DACH1: variants seen among roughly 807,000 people sequenced by gnomAD.
DACH1 encodes dachshund homolog 1.
In DACH1, 12 loss-of-function variants were observed where a neutral mutation model predicts 54.2. The observed-to-expected ratio is 0.22, with a 90% CI of 0.14 to 0.36. The LOEUF is 0.36. Among genes scored for constraint, DACH1 ranks in the 10% least tolerant of loss-of-function variants. The pLI is 1.00. For missense variants in DACH1, 805 were observed against 929.8 expected, an observed-to-expected ratio of 0.87 and a Z score of 1.75; for synonymous variants, 386 against 366.2, an observed-to-expected ratio of 1.05 and a Z score of -0.62.
intron 3 of DACH1, among the ~76,000 whole-genome samples, chr13:71,627,064 C>G (rs1876696960): frequency 6.6e-6 from 1 of 151,976 alleles, no homozygotes. Flanking sequence ...TCACTTCCTC[C>G]TAAAGTGATC....
chr13:71,773,866 G>C (rs1019732467), intron 1 of DACH1, among the ~76,000 whole-genome samples: 4 of 151,570 alleles, frequency 2.6e-5, no homozygotes, highest in Admixed American at 2.6e-4. Context: ...TCTTCATAAA[G>C]GTTGTTGTTT....
At chr13:71,475,275 A>G (rs1877417300) in intron 9 of DACH1, 66 bp from the exon 10 acceptor site, 3 of 1,304,274 alleles carry the variant, frequency 2.3e-6, no homozygotes, top group Non-Finnish European at 3.3e-6. Context: ...TTAAAAAAAA[A>G]GAGCAACCTG....
chr13:71,508,191 C>T (rs1172734603), intron 6 of DACH1, among the ~76,000 whole-genome samples: 2 of 152,170 alleles, frequency 1.3e-5, no homozygotes, highest in East Asian at 1.9e-4. Flanking sequence ...CGTTTACTTA[C>T]TGATCACTTC....
intron 7 of DACH1, among the ~76,000 whole-genome samples, chr13:71,482,864 G>A (rs1031239424): frequency 6.9e-6 from 1 of 144,120 alleles, no homozygotes; most frequent in African/African-American, 2.6e-5. Flanking sequence ...CAAATGGCGC[G>A]ATCTCGGCTC....
intron 10 of DACH1, among the ~76,000 whole-genome samples, chr13:71,472,554 T>C (rs769953791): frequency 3.9e-5 from 6 of 152,248 alleles, no homozygotes; most frequent in Non-Finnish European, 7.3e-5. Context: ...GGGCTTATTT[T>C]GTCTTTCCCA....
chr13:71,625,917 G>A (rs1182568457), intron 3 of DACH1, among the ~76,000 whole-genome samples: 2 of 151,924 alleles, frequency 1.3e-5, no homozygotes, highest in Non-Finnish European at 2.9e-5. Context: ...GAATAGATAT[G>A]AACTCATTTC....
intron 2 of DACH1, chr13:71,675,071 G>T: frequency 1.3e-6 from 2 of 1,498,796 alleles, no homozygotes; most frequent in East Asian, 2.3e-5. Context: ...ACCACGGCTC[G>T]TACAAAGCAG....
chr13:71,735,580 CGTGTATATGGGATAT>C (rs1884063746), intron 1 of DACH1, among the ~76,000 whole-genome samples: 4 of 140,984 alleles, frequency 2.8e-5, no homozygotes, highest in African/African-American at 1.2e-4. Flanking sequence ...ATGGGATATA[CGTGTATATGGGATAT>C]ACGTATATGG....
At chr13:71,496,246 CA>C (rs553634943) in intron 6 of DACH1, among the ~76,000 whole-genome samples, 2 of 56,892 alleles carry the variant, frequency 3.5e-5, no homozygotes, top group East Asian at 9.6e-4. Flanking sequence ...TCCCAAAAAA[CA>C]AAAAAATTGC....
intron 1 of DACH1, among the ~76,000 whole-genome samples, chr13:71,782,014 G>C (rs1038381727): frequency 6.6e-6 from 1 of 152,150 alleles, no homozygotes; most frequent in Non-Finnish European, 1.5e-5. Context: ...TGGTTGCCCA[G>C]TAAAATATAT....
At chr13:71,461,495 A>G (rs918304164) in intron 10 of DACH1, among the ~76,000 whole-genome samples, 2 of 152,054 alleles carry the variant, frequency 1.3e-5, no homozygotes, top group Non-Finnish European at 2.9e-5. Context: ...AGGCTTCTAC[A>G]TTGCTTTTAA....
chr13:71,818,297 C>T (rs1302276706), intron 1 of DACH1, among the ~76,000 whole-genome samples: 1 of 152,136 alleles, frequency 6.6e-6, no homozygotes, highest in Non-Finnish European at 1.5e-5. Flanking sequence ...TGCAAGTGTG[C>T]TTTCACTAGG....
chr13:71,803,818 T>C (rs1467519408), intron 1 of DACH1, among the ~76,000 whole-genome samples: 2 of 152,214 alleles, frequency 1.3e-5, no homozygotes, highest in African/African-American at 2.4e-5. Flanking sequence ...GAAAACGGGC[T>C]GATATCTCAG....
intron 6 of DACH1, among the ~76,000 whole-genome samples, chr13:71,527,661 C>A (rs1882092486): frequency 2.6e-5 from 4 of 152,162 alleles, no homozygotes; most frequent in South Asian, 4.1e-4. Context: ...ATAAATCTTG[C>A]CAGTTCCCAG....
At chr13:71,637,683 G>A (rs1406026351) in intron 2 of DACH1, among the ~76,000 whole-genome samples, 2 of 152,060 alleles carry the variant, frequency 1.3e-5, no homozygotes, top group Non-Finnish European at 2.9e-5. Context: ...TTTAAAGATA[G>A]TGTTTTTCTT....
chr13:71,464,756 C>T (rs768190726), intron 10 of DACH1: 101 of 452,150 alleles, frequency 2.2e-4, no homozygotes, highest in South Asian at 1.0e-3. Flanking sequence ...TCTTTCTTGG[C>T]GGGTCACTTA....
At chr13:71,546,566 A>G (rs954281859) in intron 6 of DACH1, among the ~76,000 whole-genome samples, 1 of 152,028 alleles carries the variant, frequency 6.6e-6, no homozygotes, top group African/African-American at 2.4e-5. Context: ...TTCATTCTTA[A>G]AGTTTAATCA....
intron 1 of DACH1, among the ~76,000 whole-genome samples, chr13:71,689,628 A>G (rs943609336): frequency 9.2e-5 from 14 of 152,202 alleles, no homozygotes; most frequent in Non-Finnish European, 1.3e-4. Flanking sequence ...TTTATTTAAT[A>G]TAAAACCTGT....
chr13:71,701,212 T>C (rs1180477696), intron 1 of DACH1, among the ~76,000 whole-genome samples: 3 of 152,178 alleles, frequency 2.0e-5, no homozygotes, highest in Non-Finnish European at 4.4e-5. Flanking sequence ...AATGTTCATA[T>C]ATATGTACTA....
Sources: gnomAD v4.1 joint callset for allele counts (sites outside exome capture counted in the v4.1 genomes callset) on GRCh38, gnomAD v4.1.1 for gene constraint, MANE v1.5 for transcripts, NCBI Gene and HGNC (gene_info 2026-07-23, HGNC 2026-07-21) for gene names.